The following RNF150 variants were observed in gnomAD, a reference collection of about 807,000 sequenced individuals.
The protein encoded by RNF150 is ring finger protein 150.
Under a neutral mutation model 39.3 loss-of-function variants are expected in RNF150, and 24 were observed. The observed-to-expected ratio is 0.61, with a 90% CI of 0.44 to 0.86. The LOEUF is 0.86. Among genes scored for constraint, RNF150 ranks in the 40% least tolerant of loss-of-function variants. The probability of loss-of-function intolerance (pLI) is 0.00; values close to 1 mark genes in which losing one functional copy is unlikely to be tolerated. For synonymous variants in RNF150, 255 were observed against 227.3 expected (o/e 1.12, Z -1.10); for missense variants, 502 against 587.8 (o/e 0.85, Z 1.51).
At chr4:141,209,837 C>A (rs532431647) in intron 1 of RNF150, among the ~76,000 whole-genome samples, 7 of 152,032 alleles carry the variant, frequency 4.6e-5, no homozygotes, top group African/African-American at 1.7e-4. Flanking sequence ...AAGACCCCAT[C>A]CCTAAAAGAC....
intron 2 of RNF150, among the ~76,000 whole-genome samples, chr4:140,954,790 A>C (rs1038053486): frequency 6.6e-6 from 1 of 152,144 alleles, no homozygotes; most frequent in African/African-American, 2.4e-5. Context: ...AAAATAAGAA[A>C]TTTTCCTCTT....
At chr4:141,139,510 G>A (rs1361128459) in intron 1 of RNF150, among the ~76,000 whole-genome samples, 2 of 152,250 alleles carry the variant, frequency 1.3e-5, no homozygotes, top group Non-Finnish European at 2.9e-5. Context: ...TTACAAAGGA[G>A]TAGGCTTGCA....
intron 1 of RNF150, among the ~76,000 whole-genome samples, chr4:141,128,589 G>C (rs1275005624): frequency 2.6e-5 from 4 of 152,094 alleles, no homozygotes; most frequent in Admixed American, 1.3e-4. Flanking sequence ...TTCACTTCTG[G>C]GGCTTTTACT....
intron 1 of RNF150, among the ~76,000 whole-genome samples, chr4:141,041,721 C>T (rs918593570): frequency 2.0e-5 from 3 of 151,950 alleles, no homozygotes; most frequent in Non-Finnish European, 4.4e-5. Context: ...AAAATATTTG[C>T]TTTGAATCAA....
intron 1 of RNF150, among the ~76,000 whole-genome samples, chr4:141,093,965 A>G (rs1349320965): frequency 6.6e-6 from 1 of 152,226 alleles, no homozygotes; most frequent in Non-Finnish European, 1.5e-5. Flanking sequence ...AACAAGAACA[A>G]AAAGCAAATT....
chr4:141,031,240 C>A (rs969856669), intron 1 of RNF150, among the ~76,000 whole-genome samples: 1 of 151,920 alleles, frequency 6.6e-6, no homozygotes, highest in Non-Finnish European at 1.5e-5. Context: ...TTATCTCACA[C>A]CATATACAAA....
intron 1 of RNF150, among the ~76,000 whole-genome samples, chr4:141,036,482 G>A (rs891182318): frequency 6.6e-6 from 1 of 152,054 alleles, no homozygotes; most frequent in African/African-American, 2.4e-5. Flanking sequence ...AGTAGATCTC[G>A]AACTTTTTCA....
intron 6 of RNF150, among the ~76,000 whole-genome samples, chr4:140,893,662 G>A (rs1184088615): frequency 6.6e-6 from 1 of 152,180 alleles, no homozygotes; most frequent in Non-Finnish European, 1.5e-5. Flanking sequence ...CACCTGTGTG[G>A]AATGGTTCCT....
At chr4:140,984,788 G>A (rs1208162380) in intron 1 of RNF150, among the ~76,000 whole-genome samples, 3 of 152,112 alleles carry the variant, frequency 2.0e-5, no homozygotes, top group Non-Finnish European at 2.9e-5. Flanking sequence ...GACTAAAAAA[G>A]TGGGTGTATA....
Position 140,917,139 on chromosome 4 carries a change from G to C in RNF150, c.988-5785C>G, listed in dbSNP as rs1198341829. On this transcript the variant is annotated intron_variant, in intron 5 of 6. Coordinates refer to ENST00000515673, the MANE Select transcript of RNF150 (RefSeq NM_020724.2). ...CTAGGAAGAAACTGCATCAACTAAT[G>C]AGCAAAATAACCAGCTAACATCACA... Among the ~76,000 whole-genome samples, 13 of 152,162 alleles carry C rather than the reference G, an allele frequency of 8.5e-5. No homozygotes were observed. The East Asian group carries it at 2.5e-3, about 29-fold the overall frequency.
intron 1 of RNF150, among the ~76,000 whole-genome samples, chr4:141,052,651 T>A (rs1578673717): frequency 6.6e-6 from 1 of 152,264 alleles, no homozygotes; most frequent in South Asian, 2.1e-4. Flanking sequence ...GCTGGGATTA[T>A]AAGTGTGAGC....
At chr4:140,913,110 A>T (rs998914978) in intron 5 of RNF150, among the ~76,000 whole-genome samples, 1 of 152,110 alleles carries the variant, frequency 6.6e-6, no homozygotes, top group Admixed American at 6.6e-5. Context: ...AAAATATAAA[A>T]ATTAGCCAGG....
intron 1 of RNF150, among the ~76,000 whole-genome samples, chr4:140,973,871 G>GT (rs1435168309): frequency 1.0e-5 from 1 of 96,748 alleles, no homozygotes; most frequent in African/African-American, 4.1e-5. Context: ...GTGAGACTCT[G>GT]TTTAAAAAAA....
chr4:140,905,430 C>T (rs906850888), intron 6 of RNF150, among the ~76,000 whole-genome samples: 4 of 152,136 alleles, frequency 2.6e-5, no homozygotes, highest in African/African-American at 9.7e-5. Flanking sequence ...TCTCCCTCCC[C>T]TACCCATCAC....
chr4:141,137,424 T>C (rs1412405497), upstream of RNF150, among the ~76,000 whole-genome samples: 1 of 152,224 alleles, frequency 6.6e-6, no homozygotes, highest in Non-Finnish European at 1.5e-5. Flanking sequence ...CGATCCTCAA[T>C]ATGTTTTGAA....
chr4:141,203,898 C>A (rs983693402), intron 1 of RNF150, among the ~76,000 whole-genome samples: 3 of 151,916 alleles, frequency 2.0e-5, no homozygotes, highest in Non-Finnish European at 4.4e-5. Flanking sequence ...CTAGACCTTC[C>A]CAGAGGGGTA....
chr4:141,201,644 C>A (rs949635491), intron 1 of RNF150, among the ~76,000 whole-genome samples: 4 of 152,018 alleles, frequency 2.6e-5, no homozygotes, highest in Non-Finnish European at 5.9e-5. Flanking sequence ...CTTCTTGGAA[C>A]CAAAGCCTCA....
At chr4:140,965,277 T>C (rs1733193669) in intron 2 of RNF150, among the ~76,000 whole-genome samples, 1 of 152,014 alleles carries the variant, frequency 6.6e-6, no homozygotes. Flanking sequence ...GGAATCCTAG[T>C]ACACTGTTGG....
chr4:141,094,258 A>C, intron 1 of RNF150, among the ~76,000 whole-genome samples: 1 of 152,240 alleles, frequency 6.6e-6, no homozygotes, highest in South Asian at 2.1e-4. Flanking sequence ...CCATAAATTC[A>C]AAGTGAAACT....
Sources: allele counts gnomAD v4.1 joint callset (sites outside exome capture counted in the v4.1 genomes callset), GRCh38; gene constraint gnomAD v4.1.1; transcripts MANE v1.5; gene names NCBI Gene and HGNC (gene_info 2026-07-23, HGNC 2026-07-21).